The following INTS9 variants were observed in gnomAD, a reference collection of about 807,000 sequenced individuals.
INTS9 encodes protein related to CPSF subunits of 74 kDa.
In INTS9, 55 loss-of-function variants were observed where a neutral mutation model predicts 79.7. The ratio of observed to expected loss-of-function variants is 0.69; its 90% CI spans 0.56 to 0.86. The LOEUF (loss-of-function observed/expected upper bound fraction) is 0.86, where lower values mean the gene tolerates loss of function less well. Among genes scored for constraint, INTS9 ranks in the 40% least tolerant of loss-of-function variants. INTS9 has a pLI of 0.00. For missense variants in INTS9, 721 were observed against 831.5 expected (o/e 0.87, Z 1.64); for synonymous variants, 319 against 325.2 (o/e 0.98, Z 0.20).
intron 11 of INTS9, 67 bp from the exon 12 acceptor site, chr8:28,781,061 G>A (rs1396458275): frequency 1.0e-5 from 13 of 1,299,726 alleles, no homozygotes; most frequent in Non-Finnish European, 1.3e-5. Flanking sequence ...ACCAAAGTAC[G>A]GGAGGGTGAG....
In INTS9 at chr8:28,775,842, G is replaced by T. The variant is rs534558238; in HGVS notation, c.1480C>A (p.Pro494Thr). The T allele has an allele frequency of 6.2e-7, 1 of 1,613,640 alleles. No individual in the cohort carries two copies. Among genetic ancestry groups the T allele is most frequent in the Admixed American group, 1.7e-5 (1 of 59,910 alleles). ...GCCCGCCGATAGGACATGGCGGGGG[G>T]CTGGCAGTCGATCATGAGGTCCATC... Reference protein sequence around the residue: ...HRMDLMIDCQPPAMSYRRAEV... With the variant: ...HRMDLMIDCQTPAMSYRRAEV... The change falls in exon 14 of 17, where the codon CCC becomes ACC. Residue 494 changes from proline (P) to threonine (T), a missense_variant. Around this residue, in one of 3 missense-constraint regions of INTS9, gnomAD observed 281 missense variants for 300.8 expected, o/e 0.93. Coordinates refer to ENST00000521022, the MANE Select transcript of INTS9 (RefSeq NM_018250.4).
rs553162478 is a variant in INTS9 at position 28,795,338 on chromosome 8, C to T, written c.856+1206G>A. 3.5e-4 allele frequency among the ~76,000 whole-genome samples: 54 copies of T among 152,176 alleles called. No individual in the cohort carries two copies. The South Asian group carries it at 0.011, about 30-fold the overall frequency. On this transcript the variant is annotated intron_variant, in intron 9 of 16. Coordinates refer to ENST00000521022, the MANE Select transcript of INTS9 (RefSeq NM_018250.4). ...TGCAGGCCCCATGATGGGATTCATG[C>T]CCTCATAAGAAGAGGAAGAGAGGCC...
chr8:28,821,312 G>A (rs551402437), intron 6 of INTS9, among the ~76,000 whole-genome samples: 1 of 152,330 alleles, frequency 6.6e-6, no homozygotes, highest in Non-Finnish European at 1.5e-5. Flanking sequence ...CTTCTTACAT[G>A]GCGGTGGCAA....
intron 6 of INTS9, among the ~76,000 whole-genome samples, chr8:28,816,063 G>T (rs1397669281): frequency 6.6e-6 from 1 of 151,270 alleles, no homozygotes; most frequent in African/African-American, 2.4e-5. Context: ...AAAAATATGA[G>T]AACATATTTA....
chr8:28,878,641 TAAAA>T (rs112921124), intron 1 of INTS9, among the ~76,000 whole-genome samples: 5 of 136,642 alleles, frequency 3.7e-5, no homozygotes, highest in African/African-American at 1.4e-4. Flanking sequence ...TTTTTTTTTT[TAAAA>T]AAAAAACAAA....
intron 14 of INTS9, 116 bp from the exon 15 acceptor site, chr8:28,771,196 C>T: frequency 1.2e-6 from 1 of 856,872 alleles, no homozygotes; most frequent in Middle Eastern, 2.3e-4. Flanking sequence ...TAAAGGTAAA[C>T]AATTTTTTTT....
intron 1 of INTS9, among the ~76,000 whole-genome samples, chr8:28,888,341 C>G (rs1442255624): frequency 2.0e-5 from 3 of 152,238 alleles, no homozygotes; most frequent in East Asian, 3.9e-4. Flanking sequence ...ACCTTGAACC[C>G]AGGAGTTTGA....
rs548523379 is a variant in INTS9 at position 28,866,402 on chromosome 8, T to C, written c.10-6839A>G. On this transcript the variant is annotated intron_variant, in intron 1 of 16. Coordinates refer to ENST00000521022, the MANE Select transcript of INTS9 (RefSeq NM_018250.4). Reference sequence around the variant, plus strand: ...CCATTTTGAGACCATTTTATGTTGATTTCTCAGCTTATATATCTGTACTAT... The same window carrying C: ...CCATTTTGAGACCATTTTATGTTGACTTCTCAGCTTATATATCTGTACTAT... Among the ~76,000 whole-genome samples, 4 of 152,218 alleles carry C rather than the reference T, an allele frequency of 2.6e-5. No individual in the cohort carries two copies. In the East Asian group the frequency reaches 5.8e-4, roughly 22 times the overall value.
intron 3 of INTS9, 35 bp from the exon 4 acceptor site, chr8:28,846,844 G>C: frequency 6.7e-7 from 1 of 1,502,194 alleles, no homozygotes; most frequent in Non-Finnish European, 9.3e-7. Context: ...ACAAGGAAGA[G>C]ATATCCAGTA....
chr8:28,854,162 A>G (rs1398177321), intron 2 of INTS9, among the ~76,000 whole-genome samples: 1 of 152,242 alleles, frequency 6.6e-6, no homozygotes, highest in Non-Finnish European at 1.5e-5. Flanking sequence ...GACTACAGGT[A>G]CATACCACCA....
At chr8:28,835,959 C>T (rs565108448) in intron 5 of INTS9, among the ~76,000 whole-genome samples, 1 of 152,194 alleles carries the variant, frequency 6.6e-6, no homozygotes, top group Non-Finnish European at 1.5e-5. Context: ...CAGGCACACA[C>T]CACCATGCCC....
intron 6 of INTS9, among the ~76,000 whole-genome samples, chr8:28,821,279 A>C (rs1227259515): frequency 6.6e-6 from 1 of 152,214 alleles, no homozygotes; most frequent in Admixed American, 6.5e-5. Context: ...AGGCCTCAGA[A>C]TCATGGTGGG....
At chr8:28,825,504 C>G (rs1386579387) in intron 6 of INTS9, among the ~76,000 whole-genome samples, 1 of 152,208 alleles carries the variant, frequency 6.6e-6, no homozygotes, top group Non-Finnish European at 1.5e-5. Context: ...TGCCATTACC[C>G]AGAACACCAT....
chr8:28,810,600 TTCTCTC>T lies in INTS9; in HGVS notation c.744+1721_744+1726del, dbSNP rs145377206. 8.4e-3 allele frequency among the ~76,000 whole-genome samples: 1,259 copies of T among 150,098 alleles called. 11 individuals carry two copies. The highest frequency in any genetic ancestry group is 0.029 in the African/African-American group (1,198 of 41,048). ...CCAGTCCGGGTGACAGAACAAGACC[TTCTCTC>T]TCTCTCTCTCTCTCCGTAAATAGAT... On this transcript the variant is annotated intron_variant, in intron 8 of 16. Coordinates refer to ENST00000521022, the MANE Select transcript of INTS9 (RefSeq NM_018250.4).
At chr8:28,856,441 G>A (rs761576124) in intron 2 of INTS9, among the ~76,000 whole-genome samples, 4 of 150,764 alleles carry the variant, frequency 2.7e-5, no homozygotes, top group Non-Finnish European at 2.9e-5. Flanking sequence ...TTTGAGACAC[G>A]GTCTCTCTCT....
At chr8:28,845,418 G>A (rs1302911024) in intron 4 of INTS9, among the ~76,000 whole-genome samples, 1 of 152,108 alleles carries the variant, frequency 6.6e-6, no homozygotes, top group Non-Finnish European at 1.5e-5. Flanking sequence ...CATCTTGCCT[G>A]AAAAAATGTA....
chr8:28,840,848 G>A (rs191721560), intron 4 of INTS9, among the ~76,000 whole-genome samples: 5 of 149,962 alleles, frequency 3.3e-5, no homozygotes, highest in African/African-American at 9.8e-5. Flanking sequence ...GCTAAATGAC[G>A]AGTTAATGGG....
intron 6 of INTS9, among the ~76,000 whole-genome samples, chr8:28,822,662 A>G (rs1805908785): frequency 6.6e-6 from 1 of 152,354 alleles, no homozygotes; most frequent in East Asian, 1.9e-4. Context: ...AAAAGCTATC[A>G]TATGGGAATC....
intron 8 of INTS9, 146 bp from the exon 9 acceptor site, chr8:28,796,801 C>T (rs1178664835): frequency 3.3e-6 from 2 of 608,306 alleles, no homozygotes; most frequent in South Asian, 2.0e-5. Flanking sequence ...ATAGTCTGTC[C>T]TTAACCACTG....
Sources: gnomAD v4.1 joint callset for allele counts (sites outside exome capture counted in the v4.1 genomes callset) on GRCh38, gnomAD v4.1.1 for gene constraint, gnomAD v4.1.1 regional missense constraint, MANE v1.5 for transcripts, NCBI Gene and HGNC (gene_info 2026-07-23, HGNC 2026-07-21) for gene names.